The following PALLD variants were observed in gnomAD, a reference collection of about 807,000 sequenced individuals.
The protein encoded by PALLD is palladin.
In PALLD, 61 loss-of-function variants were observed where a neutral mutation model predicts 123.5. The ratio of observed to expected loss-of-function variants is 0.49; its 90% CI spans 0.40 to 0.61. The LOEUF is 0.61. PALLD is among the 20% of genes least tolerant of loss of function. The probability of loss-of-function intolerance (pLI) is 0.00; values close to 1 mark genes in which losing one functional copy is unlikely to be tolerated. For missense variants in PALLD, 1,273 were observed against 1,377.0 expected (o/e 0.92, Z 1.20); for synonymous variants, 465 against 496.4 (o/e 0.94, Z 0.84).
At chr4:168,775,208 T>G (rs912578188) in intron 10 of PALLD, among the ~76,000 whole-genome samples, 1 of 152,218 alleles carries the variant, frequency 6.6e-6, no homozygotes, top group East Asian at 1.9e-4. Flanking sequence ...GCACATGGTA[T>G]CATTAGTTTT....
At chr4:168,802,118 C>G (rs928872230) in intron 10 of PALLD, among the ~76,000 whole-genome samples, 5 of 152,212 alleles carry the variant, frequency 3.3e-5, no homozygotes, top group Non-Finnish European at 7.3e-5. Context: ...GGAGTTACTT[C>G]TCGGGAATGC....
At chr4:168,657,385 G>A (rs1778687159) in intron 2 of PALLD, among the ~76,000 whole-genome samples, 1 of 152,172 alleles carries the variant, frequency 6.6e-6, no homozygotes, top group Admixed American at 6.5e-5. Context: ...CACATTTGAG[G>A]AAACTCTAGT....
chr4:168,839,292 G>A lies in PALLD; in HGVS notation c.1965-51630G>A, dbSNP rs529183850. Among the ~76,000 whole-genome samples, 11 of 152,138 alleles carry A rather than the reference G, an allele frequency of 7.2e-5. No homozygotes were observed. In the South Asian group the frequency reaches 1.5e-3, roughly 20 times the overall value. Reference sequence around the variant, plus strand: ...GTATACTCTTTTGTAGTATTCTCTTGGGACCACCTAAGTCAAGCCTCATTC... The same window carrying A: ...GTATACTCTTTTGTAGTATTCTCTTAGGACCACCTAAGTCAAGCCTCATTC... On this transcript the variant is annotated intron_variant, in intron 10 of 21. Coordinates refer to ENST00000505667, the MANE Select transcript of PALLD (RefSeq NM_001166108.2).
At chr4:168,603,589 G>T (rs1772886536) in intron 2 of PALLD, among the ~76,000 whole-genome samples, 1 of 152,158 alleles carries the variant, frequency 6.6e-6, no homozygotes, top group African/African-American at 2.4e-5. Flanking sequence ...ATTATGTTTT[G>T]TTGGGGATGT....
Position 168,924,251 on chromosome 4 carries a change from TTAGC to T in PALLD, c.3059-1_3061del. 6.2e-7 allele frequency: 1 copy of T among 1,613,402 alleles called. No individual in the cohort carries two copies. On this transcript the variant is annotated splice_acceptor_variant and splice_polypyrimidine_tract_variant and coding_sequence_variant and intron_variant, in exon 19 of 22. Transcript: ENST00000505667. LOFTEE classifies it high-confidence loss of function. ...GATAGAGAATTCATCTCATGTTTTC[TTAGC>T]TAAAGAAGCACACAAACCCCCTGTG...
chr4:168,515,508 G>A (rs956774666), intron 2 of PALLD, among the ~76,000 whole-genome samples: 8 of 152,206 alleles, frequency 5.3e-5, no homozygotes, highest in Non-Finnish European at 8.8e-5. Flanking sequence ...AAGCCCAAGA[G>A]ACACTGGTTG....
intron 10 of PALLD, among the ~76,000 whole-genome samples, chr4:168,751,384 C>G (rs1172744640): frequency 6.6e-6 from 1 of 152,126 alleles, no homozygotes; most frequent in Non-Finnish European, 1.5e-5. Context: ...ATTATAAAAG[C>G]AATTAATTTT....
At chr4:168,830,666 G>C (rs534861799) in intron 10 of PALLD, among the ~76,000 whole-genome samples, 1 of 152,266 alleles carries the variant, frequency 6.6e-6, no homozygotes, top group African/African-American at 2.4e-5. Context: ...AAAATCACAG[G>C]GACATTCAAT....
chr4:168,590,001 G>A (rs1771238403), intron 2 of PALLD, among the ~76,000 whole-genome samples: 1 of 152,170 alleles, frequency 6.6e-6, no homozygotes, highest in Admixed American at 6.5e-5. Flanking sequence ...AAGCCTCCAG[G>A]ATTGGCACAC....
At chr4:168,524,257 GTTTC>G (rs1763840176) in intron 2 of PALLD, among the ~76,000 whole-genome samples, 1 of 152,104 alleles carries the variant, frequency 6.6e-6, no homozygotes, top group South Asian at 2.1e-4. Context: ...ACTATATGCT[GTTTC>G]TTTATTAGTG....
chr4:168,536,547 C>A (rs1395961871), intron 2 of PALLD: 2 of 152,192 alleles, frequency 1.3e-5, no homozygotes, highest in Admixed American at 6.5e-5. Context: ...AGGAAACTTA[C>A]AATTATGGCG....
chr4:168,761,780 G>A (rs1732970382), intron 10 of PALLD, among the ~76,000 whole-genome samples: 1 of 151,050 alleles, frequency 6.6e-6, no homozygotes, highest in South Asian at 2.1e-4. Flanking sequence ...CAAAGTGCTG[G>A]GATTACAGGC....
At chr4:168,764,018 G>A (rs192644861) in intron 10 of PALLD, among the ~76,000 whole-genome samples, 1 of 152,148 alleles carries the variant, frequency 6.6e-6, no homozygotes, top group East Asian at 1.9e-4. Flanking sequence ...AATATTTACT[G>A]CAGTAATATT....
chr4:168,916,855 G>C (rs982050712), intron 17 of PALLD, among the ~76,000 whole-genome samples: 1 of 151,446 alleles, frequency 6.6e-6, no homozygotes, highest in African/African-American at 2.4e-5. Flanking sequence ...ATTTTTAGTA[G>C]AGATGGGGTT....
chr4:168,926,848 G>T lies in PALLD; in HGVS notation c.*668G>T. Reference sequence around the variant, plus strand: ...AGATACAGTGAACCAAGTGCAATATGTAAGGATGAAAGAAGAAGAGATGAC... The same window carrying T: ...AGATACAGTGAACCAAGTGCAATATTTAAGGATGAAAGAAGAAGAGATGAC... On this transcript the variant is annotated 3_prime_UTR_variant, in exon 22 of 22. Coordinates refer to ENST00000505667, the MANE Select transcript of PALLD (RefSeq NM_001166108.2). 4.5e-6 allele frequency: 1 copy of T among 221,036 alleles called. No homozygotes were observed. The highest frequency in any genetic ancestry group is 6.7e-5 in the East Asian group (1 of 14,882). 13.7% of individuals were successfully genotyped at this position (221,036 alleles called of 1,614,324 possible).
intron 2 of PALLD, among the ~76,000 whole-genome samples, chr4:168,529,231 G>A (rs1217682238): frequency 6.6e-6 from 1 of 152,050 alleles, no homozygotes; most frequent in African/African-American, 2.4e-5. Context: ...CAGCTACTCT[G>A]GAGACTAAGG....
In PALLD at chr4:168,711,848, A is replaced by G. The variant is rs1784867696; in HGVS notation, c.1889A>G (p.Asn630Ser). 1 of 1,614,166 alleles carries G rather than the reference A, an allele frequency of 6.2e-7. No individual in the cohort carries two copies. The highest frequency in any genetic ancestry group is 8.5e-7 in the Non-Finnish European group (1 of 1,180,030). ...NGLINGKANS[N>S]KSLPTPAVLL... The stretch of plus-strand genomic sequence containing the variant: ...CTGATTAACGGCAAAGCTAACAGTA[A>G]TAAATCTCTTCCAACACCAGCTGTC... Residue 630 changes from asparagine (N) to serine (S), a missense_variant, in exon 10 of 22, where the codon AAT (asparagine) becomes AGT (serine). Coordinates refer to ENST00000505667, the MANE Select transcript of PALLD (RefSeq NM_001166108.2).
intron 10 of PALLD, among the ~76,000 whole-genome samples, chr4:168,781,574 A>T (rs570476530): frequency 6.6e-6 from 1 of 152,256 alleles, no homozygotes; most frequent in Admixed American, 6.5e-5. Context: ...CTGTTTGGAG[A>T]TTTGAGGGAG....
rs1428950627 is a variant in PALLD at position 168,739,487 on chromosome 4, C to T, written c.1964+27564C>T. Among the ~76,000 whole-genome samples, 6 of 152,102 alleles carry T rather than the reference C, an allele frequency of 3.9e-5. No homozygotes were observed. In the East Asian group the frequency reaches 1.2e-3, roughly 29 times the overall value. On this transcript the variant is annotated intron_variant, in intron 10 of 21. Transcript: ENST00000505667. ...AAACATCAGTTAGAAAAAATAAGTT[C>T]TAATGTTCGTTAGCAGAATAGGGTG...
Sources: gnomAD v4.1 joint callset for allele counts (sites outside exome capture counted in the v4.1 genomes callset) on GRCh38, gnomAD v4.1.1 for gene constraint, MANE v1.5 for transcripts, NCBI Gene and HGNC (gene_info 2026-07-23, HGNC 2026-07-21) for gene names.